DUSP5: variants seen among roughly 807,000 people sequenced by gnomAD.
DUSP5 encodes dual specificity phosphatase 5, also known as dual specificity protein phosphatase 5.
Under a neutral mutation model 33.6 loss-of-function variants are expected in DUSP5, and 22 were observed. The ratio of observed to expected loss-of-function variants is 0.66; its 90% CI spans 0.47 to 0.94. The LOEUF (loss-of-function observed/expected upper bound fraction) is 0.94, where lower values mean the gene tolerates loss of function less well. Ranked by LOEUF, DUSP5 falls within the 40% of genes least tolerant of loss-of-function variation. The pLI is 0.00. For synonymous variants in DUSP5, 270 were observed against 231.1 expected, an observed-to-expected ratio of 1.17 and a Z score of -1.53; for missense variants, 551 against 522.1, an observed-to-expected ratio of 1.06 and a Z score of -0.54.
chr10:110,505,964 G>A (rs1538852), intron 2 of DUSP5, among the ~76,000 whole-genome samples: 148,060 of 152,264 alleles, frequency 0.97, 72,145 homozygotes, highest in East Asian at 1. Flanking sequence ...GGTCAGAGGC[G>A]GGGAAGCCCC....
chr10:110,506,560 C>T (rs766967707), intron 2 of DUSP5, among the ~76,000 whole-genome samples: 10 of 152,148 alleles, frequency 6.6e-5, no homozygotes, highest in Admixed American at 4.6e-4. Flanking sequence ...AGGAGATTGC[C>T]CTGGTACTCT....
At position 110,510,539 on chromosome 10, in the gene DUSP5, C is replaced by G. The variant is rs1006198119; in HGVS notation, c.*113C>G. On this transcript the variant is annotated 3_prime_UTR_variant, in exon 4 of 4. Coordinates refer to ENST00000369583, the MANE Select transcript of DUSP5 (RefSeq NM_004419.4). ...TGAAGACCTCATTCTGTCATGCTGC[C>G]CCAGTGAGATAGTGAGTGGTCACCA... 7.4e-7 allele frequency: 1 copy of G among 1,342,978 alleles called. No homozygotes were observed. The highest frequency in any genetic ancestry group is 1.5e-5 in the African/African-American group (1 of 67,726). The allele number at this position is 1,342,978 out of a possible 1,614,324, so 83.2% of individuals were successfully genotyped here.
chr10:110,501,975 G>A (rs1319353767), intron 1 of DUSP5, among the ~76,000 whole-genome samples: 1 of 151,072 alleles, frequency 6.6e-6, no homozygotes, highest in South Asian at 2.1e-4. Context: ...TGGGGGGGGG[G>A]TGCAGGAGGA....
Position 110,498,236 on chromosome 10 carries a change from G to T in DUSP5, c.115G>T (p.Val39Leu). 3 of 1,507,476 alleles carry T rather than the reference G, an allele frequency of 2.0e-6. No homozygotes were observed. Among genetic ancestry groups the T allele is most frequent in the Non-Finnish European group, 2.7e-6 (3 of 1,126,924 alleles). The allele number at this position is 1,507,476 out of a possible 1,614,324, so 93.4% of individuals were successfully genotyped here. The change falls in exon 1 of 4, where the codon GTG (valine) becomes TTG (leucine). Residue 39 changes from valine to leucine, a missense_variant. Val to Leu is a conservative substitution (Grantham distance 32). Coordinates refer to ENST00000369583, the MANE Select transcript of DUSP5 (RefSeq NM_004419.4). ...CTATCTGGCCTTCGCTGCCTCGAAC[G>T]TGCGCGGCTCGCTCAACGTCAACCT... ...RPYLAFAASNVRGSLNVNLNS... is the reference protein window; with the variant it reads ...RPYLAFAASNLRGSLNVNLNS...
chr10:110,510,402 T>C lies in DUSP5; in HGVS notation c.1131T>C (p.Pro377=), dbSNP rs1278799655. Residue 377 remains proline, a synonymous_variant, in exon 4 of 4, where the codon CCT becomes CCC. Transcript: ENST00000369583. ...HSTVSELSRS[P]VATATSC ...CAGTCTCAGAGCTCAGCAGAAGCCC[T>C]GTGGCAACGGCCACATCCTGCTAAA... 10 of 1,599,982 alleles carry C rather than the reference T, an allele frequency of 6.3e-6. No homozygotes were observed.
In DUSP5 at chr10:110,507,166, C is replaced by G. The variant is rs370848860; in HGVS notation, c.748+12C>G. 6.2e-7 allele frequency: 1 copy of G among 1,608,474 alleles called. No homozygotes were observed. The highest frequency in any genetic ancestry group is 1.1e-5 in the South Asian group (1 of 91,000). On this transcript the variant is annotated intron_variant, in intron 3 of 3. Transcript: ENST00000369583. ...AATAGACTTCATTGGTAGGTTTAGC[C>G]ATTCCCCTTCAGTTATTTTGGGAGC...
At chr10:110,502,925 C>T in intron 2 of DUSP5, 56 bp downstream of exon 2, 1 of 1,603,256 alleles carries the variant, frequency 6.2e-7, no homozygotes, top group Non-Finnish European at 8.5e-7. Flanking sequence ...CTCCTGTCTC[C>T]CTTCCTTCCT....
chr10:110,507,670 C>G (rs1860135523), intron 3 of DUSP5, among the ~76,000 whole-genome samples: 1 of 152,238 alleles, frequency 6.6e-6, no homozygotes, highest in South Asian at 2.1e-4. Context: ...GCACTTGACT[C>G]AAGCTCCATG....
At chr10:110,501,639 A>G (rs949630041) in intron 1 of DUSP5, among the ~76,000 whole-genome samples, 3 of 152,198 alleles carry the variant, frequency 2.0e-5, no homozygotes, top group Non-Finnish European at 2.9e-5. Flanking sequence ...TTTGACTCCA[A>G]GTGAATTCTC....
At chr10:110,500,479 A>G (rs1203581130) in intron 1 of DUSP5, among the ~76,000 whole-genome samples, 1 of 152,184 alleles carries the variant, frequency 6.6e-6, no homozygotes, top group African/African-American at 2.4e-5. Flanking sequence ...GAAAATTTTT[A>G]TTTCTTTACG....
rs779141439 is a variant in DUSP5, at chr10:110,498,282, G to T, written c.161G>T (p.Arg54Leu). The change falls in exon 1 of 4, where the codon CGG (arginine) becomes CTG (leucine). Residue 54 changes from arginine (R) to leucine (L), a missense_variant. This residue lies in a region of DUSP5 where 381 missense variants were observed against 310.4 expected (regional missense o/e 1.23). Coordinates refer to ENST00000369583, the MANE Select transcript of DUSP5 (RefSeq NM_004419.4). ...NVNLNSVVLR[R>L]ARGGAVSARY... ...AACCTCAACTCGGTGGTGCTGCGGC[G>T]GGCCCGGGGCGGCGCGGTGTCGGCG... 3.4e-6 allele frequency: 5 copies of T among 1,452,226 alleles called. No individual in the cohort carries two copies. Among genetic ancestry groups the T allele is most frequent in the Admixed American group, 2.0e-5 (1 of 48,806 alleles). The allele number at this position is 1,452,226 out of a possible 1,614,324, so 90.0% of individuals were successfully genotyped here. A position where few individuals can be genotyped will look rare whatever the true frequency, so the allele number is the denominator to read the frequency against.
rs1000119986 is a variant in DUSP5, at chr10:110,498,032, T to C, written c.-90T>C. The C allele has an allele frequency of 3.1e-5, 31 of 1,005,658 alleles. No homozygotes were observed. Among genetic ancestry groups the C allele is most frequent in the Non-Finnish European group, 3.6e-5 (30 of 840,440 alleles). 62.3% of individuals were successfully genotyped at this position (1,005,658 alleles called of 1,614,324 possible). On this transcript the variant is annotated 5_prime_UTR_variant, in exon 1 of 4. Coordinates refer to ENST00000369583, the MANE Select transcript of DUSP5 (RefSeq NM_004419.4). ...GCCCCGCGGGTCGCCCTCCCGTGCC[T>C]CGCCCGCGGACACCCTGGCCGTGGA... is the stretch of plus-strand genomic sequence containing the variant.
rs183225824 is a variant in DUSP5, at chr10:110,505,308, C to T, written c.529-1627C>T. ...GCATCTGAGCCTCAAGTTGCCCATC[C>T]GTAAAATGGGAATAATGTTACCTAC... On this transcript the variant is annotated intron_variant, in intron 2 of 3. Coordinates refer to ENST00000369583, the MANE Select transcript of DUSP5 (RefSeq NM_004419.4). 2.4e-3 allele frequency among the ~76,000 whole-genome samples: 360 copies of T among 152,200 alleles called. 2 individuals are homozygous for T. Among genetic ancestry groups the T allele is most frequent in the Non-Finnish European group, 3.6e-3 (247 of 68,004 alleles).
At chr10:110,501,973 G>GT (rs1268531951) in intron 1 of DUSP5, among the ~76,000 whole-genome samples, 1 of 151,530 alleles carries the variant, frequency 6.6e-6, no homozygotes, top group African/African-American at 2.4e-5. Flanking sequence ...ATTGGGGGGG[G>GT]GGTGCAGGAG....
intron 3 of DUSP5, among the ~76,000 whole-genome samples, chr10:110,508,639 C>G (rs1057366587): frequency 2.0e-5 from 3 of 152,202 alleles, no homozygotes; most frequent in African/African-American, 4.8e-5. Flanking sequence ...GCAATACACT[C>G]TGGACCCTTT....
At chr10:110,508,475 A>C (rs962224768) in intron 3 of DUSP5, among the ~76,000 whole-genome samples, 14 of 152,180 alleles carry the variant, frequency 9.2e-5, no homozygotes, top group African/African-American at 2.7e-4. Context: ...GCAGTTTGAA[A>C]GCACAGGATG....
intron 1 of DUSP5, among the ~76,000 whole-genome samples, chr10:110,502,409 C>T (rs1292017324): frequency 6.6e-6 from 1 of 152,178 alleles, no homozygotes; most frequent in African/African-American, 2.4e-5. Flanking sequence ...CCTTTGTTTT[C>T]TGGAGGGATT....
chr10:110,506,888 A>G (rs756811466), intron 2 of DUSP5, 47 bp from the exon 3 acceptor site: 7 of 1,589,308 alleles, frequency 4.4e-6, no homozygotes, highest in Non-Finnish European at 6.0e-6. Context: ...TCTCAAATGA[A>G]CAAGCTAATC....
Position 110,511,376 on chromosome 10 carries a change from A to G in DUSP5, c.*950A>G, listed in dbSNP as rs1401622021. 6.6e-6 allele frequency: 1 copy of G among 152,446 alleles called. No homozygotes were observed. Among genetic ancestry groups the G allele is most frequent in the Admixed American group, 6.6e-5 (1 of 15,264 alleles). 9.4% of individuals were successfully genotyped at this position (152,446 alleles called of 1,614,324 possible). ...ACTTCTGGGATTTGCAGATTTTGCA[A>G]CGTGGTACTACTTTTTTTTTCTTTT... On this transcript the variant is annotated 3_prime_UTR_variant, in exon 4 of 4. Transcript: ENST00000369583.
Sources: gnomAD v4.1 joint callset for allele counts (sites outside exome capture counted in the v4.1 genomes callset) on GRCh38, gnomAD v4.1.1 for gene constraint, gnomAD v4.1.1 regional missense constraint, MANE v1.5 for transcripts, NCBI Gene and HGNC (gene_info 2026-07-23, HGNC 2026-07-21) for gene names.